The following VPS13D variants were observed in gnomAD, a reference collection of about 807,000 sequenced individuals.
VPS13D encodes vacuolar protein sorting 13 homolog D, also known as intermembrane lipid transfer protein VPS13D.
VPS13D carries 187 observed loss-of-function variants against 461.9 expected under a neutral mutation model. The observed-to-expected ratio is 0.40, with a 90% CI of 0.36 to 0.46. VPS13D has a LOEUF of 0.46. Among genes scored for constraint, VPS13D ranks in the 20% least tolerant of loss-of-function variants. The pLI is 0.60. For missense variants in VPS13D, 4,711 were observed against 5,364.9 expected, an observed-to-expected ratio of 0.88 and a Z score of 3.81; for synonymous variants, 1,951 against 1,986.3, an observed-to-expected ratio of 0.98 and a Z score of 0.47.
chr1:12,363,782 G>A (rs924689301), intron 52 of VPS13D, among the ~76,000 whole-genome samples: 3 of 151,480 alleles, frequency 2.0e-5, no homozygotes, highest in African/African-American at 7.3e-5. Context: ...ATGAAACCCC[G>A]TCTCTACTAA....
chr1:12,373,095 GTTTTTTTTTTTTT>G (rs571503565), intron 54 of VPS13D, among the ~76,000 whole-genome samples: 1,303 of 37,272 alleles, frequency 0.035, 41 homozygotes, highest in African/African-American at 0.12. Context: ...GTCTGGCTTG[GTTTTTTTTTTTTT>G]TTTTTTTTTT....
chr1:12,285,977 CCTTTCCTTTCCTT>C (rs1569807077), intron 21 of VPS13D, among the ~76,000 whole-genome samples: 2,270 of 130,120 alleles, frequency 0.017, 21 homozygotes, highest in South Asian at 0.042. Flanking sequence ...CCTTTCCTTT[CCTTTCCTTTCCTT>C]TCCTCTCCTC....
rs1476410864 is a variant in VPS13D, at chr1:12,507,044, G to A, written c.12986G>A (p.Ser4329Asn). Residue 4329 changes from serine (S) to asparagine (N), a missense_variant, in exon 69 of 70, where the codon AGC becomes AAC. Around this residue, in one of 3 missense-constraint regions of VPS13D, gnomAD observed 194 missense variants for 220.9 expected, o/e 0.88. Coordinates refer to ENST00000620676, the MANE Select transcript of VPS13D (RefSeq NM_015378.4). The surrounding 1 kb of genome is among the most constrained non-coding windows in gnomAD (Gnocchi z 5.3). ...VYVQVTKKAV[S>N]TSSGVSIPGP... is the part of the protein sequence containing the mutation. Reference sequence around the variant, plus strand: ...GTGCAGGTGACCAAGAAAGCCGTGAGCACGAGCAGTGGAGTGTCCATCCCC... The same window carrying A: ...GTGCAGGTGACCAAGAAAGCCGTGAACACGAGCAGTGGAGTGTCCATCCCC... The A allele has an allele frequency of 1.2e-6, 2 of 1,614,278 alleles. No homozygotes were observed. The highest frequency in any genetic ancestry group is 1.7e-5 in the Admixed American group (1 of 60,038).
At chr1:12,330,164 C>T (rs1182071969) in intron 37 of VPS13D, among the ~76,000 whole-genome samples, 1 of 152,190 alleles carries the variant, frequency 6.6e-6, no homozygotes, top group African/African-American at 2.4e-5. Flanking sequence ...CCTGTAATCC[C>T]AGCACTTTGG....
rs368594009 is a variant in VPS13D at position 12,363,040 on chromosome 1, T to C, written c.10273-32T>C. The C allele has an allele frequency of 1.2e-5, 19 of 1,610,852 alleles. No individual in the cohort carries two copies. The African/African-American group carries it at 2.0e-4, about 17-fold the overall frequency. On this transcript the variant is annotated intron_variant, in intron 51 of 69. Transcript: ENST00000620676. ...ACACTTATTGTCATGAATCGACTTG[T>C]TGACTAAAGCCTGTGATCCTATGTG...
chr1:12,480,206 G>C (rs1035673706), intron 67 of VPS13D, among the ~76,000 whole-genome samples: 3 of 152,324 alleles, frequency 2.0e-5, no homozygotes, highest in African/African-American at 4.8e-5. Flanking sequence ...ACACTTCTCT[G>C]CTGCAACCCA....
rs146812270 is a variant in VPS13D, at chr1:12,438,465, C to T, written c.12334-17533C>T. ...TGCTGTTTGTAAGCCACTCAGTTAA[C>T]GGTATTTTGTTGTAGCAGCATGAAC... On this transcript the variant is annotated intron_variant, in intron 65 of 69. Transcript: ENST00000620676. Among the ~76,000 whole-genome samples the T allele has an allele frequency of 2.4e-3, 373 of 152,304 alleles. 2 individuals are homozygous for T. The highest frequency in any genetic ancestry group is 7.6e-3 in the African/African-American group (315 of 41,572).
At position 12,308,674 on chromosome 1, in the gene VPS13D, C is replaced by G. The variant is rs1569866038; in HGVS notation, c.6650+33C>G. 3.8e-6 allele frequency: 6 copies of G among 1,591,920 alleles called. No homozygotes were observed. The East Asian group carries it at 1.3e-4, about 36-fold the overall frequency. ...TTTTTTTTTTTTTTTGAGATGGAGTCTCGCTCTGTTCACCAGGCAGGGTGG... is the reference window on the plus strand; with the variant it reads ...TTTTTTTTTTTTTTTGAGATGGAGTGTCGCTCTGTTCACCAGGCAGGGTGG... On this transcript the variant is annotated intron_variant, in intron 27 of 69. Transcript: ENST00000620676.
intron 13 of VPS13D, among the ~76,000 whole-genome samples, chr1:12,262,450 C>A (rs893546129): frequency 6.6e-6 from 1 of 152,190 alleles, no homozygotes; most frequent in East Asian, 1.9e-4. Context: ...GAATTTTGAT[C>A]TTTTCCTGGG....
chr1:12,449,447 G>T (rs914562670), intron 65 of VPS13D, among the ~76,000 whole-genome samples: 2 of 150,796 alleles, frequency 1.3e-5, no homozygotes, highest in African/African-American at 2.4e-5. Context: ...TTCGTGATTT[G>T]GCTGAGTGAG....
At position 12,234,247 on chromosome 1, in the gene VPS13D, C is replaced by A. The variant is rs983744212; in HGVS notation, c.-20C>A. On this transcript the variant is annotated 5_prime_UTR_variant, in exon 2 of 70. Transcript: ENST00000620676. ...AGAATGATCCATGATTTCTAAACAC[C>A]TTTTCCTGAGGATATAGTCATGTTG... 1 of 1,562,322 alleles carries A rather than the reference C, an allele frequency of 6.4e-7. No homozygotes were observed. The highest frequency in any genetic ancestry group is 8.8e-7 in the Non-Finnish European group (1 of 1,137,674).
Position 12,234,377 on chromosome 1 carries a change from T to G in VPS13D, c.97+14T>G. Reference sequence around the variant, plus strand: ...CACTTCTCAAAGGTGAGTATTTCTCTGGGTGAGATACAGCTTTATAGGTGG... The same window carrying G: ...CACTTCTCAAAGGTGAGTATTTCTCGGGGTGAGATACAGCTTTATAGGTGG... On this transcript the variant is annotated intron_variant, in intron 2 of 69. Transcript: ENST00000620676. The G allele has an allele frequency of 6.2e-7, 1 of 1,601,584 alleles. No homozygotes were observed. The highest frequency in any genetic ancestry group is 8.5e-7 in the Non-Finnish European group (1 of 1,169,696).
intron 23 of VPS13D, among the ~76,000 whole-genome samples, 177 bp from the exon 24 acceptor site, chr1:12,293,347 T>C (rs2101432579): frequency 6.6e-6 from 1 of 152,326 alleles, no homozygotes. Flanking sequence ...CTTTATCCCA[T>C]CACAGAAGCT....
chr1:12,297,284 G>A (rs1037199023), intron 24 of VPS13D, among the ~76,000 whole-genome samples: 6 of 152,130 alleles, frequency 3.9e-5, no homozygotes, highest in African/African-American at 1.4e-4. Flanking sequence ...AATTTTAAGA[G>A]TATCAGTTAT....
At chr1:12,454,917 C>A (rs189790757) in intron 65 of VPS13D, among the ~76,000 whole-genome samples, 1 of 152,372 alleles carries the variant, frequency 6.6e-6, no homozygotes, top group East Asian at 1.9e-4. Context: ...TGATATCCTT[C>A]TCTTTTTATG....
At chr1:12,285,288 A>ATTTTT (rs200200673) in intron 21 of VPS13D, among the ~76,000 whole-genome samples, 2 of 145,086 alleles carry the variant, frequency 1.4e-5, no homozygotes, top group Admixed American at 6.9e-5. Flanking sequence ...TTATTTATTT[A>ATTTTT]TTTATTTATT....
At position 12,282,853 on chromosome 1, in the gene VPS13D, C is replaced by T. The variant is rs747905632; in HGVS notation, c.4751C>T (p.Ser1584Phe). ...PLPPLSTCGE[S>F]SVERKENGLF... is the part of the protein sequence containing the mutation. ...CCTCCCCTCAGTACCTGTGGAGAAT[C>T]TTCTGTTGAAAGGAAGGAGAATGGA... The change falls in exon 21 of 70, where the codon TCT becomes TTT. Residue 1584 changes from serine (S) to phenylalanine (F), a missense_variant. Ser to Phe is a radical substitution (Grantham distance 155, BLOSUM62 -2). This residue lies in a region of VPS13D where 4,411 missense variants were observed against 4,937.8 expected (regional missense o/e 0.89). Coordinates refer to ENST00000620676, the MANE Select transcript of VPS13D (RefSeq NM_015378.4). The T allele has an allele frequency of 2.5e-6, 4 of 1,614,002 alleles. No individual in the cohort carries two copies. In the African/African-American group the frequency reaches 4.0e-5, roughly 16 times the overall value.
chr1:12,303,680 G>C (rs1338362704), intron 25 of VPS13D, among the ~76,000 whole-genome samples: 1 of 152,212 alleles, frequency 6.6e-6, no homozygotes. Context: ...CATAAAGGCA[G>C]CCCTAGAGGG....
intron 62 of VPS13D, chr1:12,402,817 AT>A (rs1644597851): frequency 6.6e-6 from 1 of 152,194 alleles, no homozygotes. Context: ...TCAAGCATGG[AT>A]TTAGACTTTT....
Sources: allele counts gnomAD v4.1 joint callset (sites outside exome capture counted in the v4.1 genomes callset), GRCh38; gene constraint gnomAD v4.1.1; regional missense constraint gnomAD v4.1.1; non-coding constraint Gnocchi (gnomAD v3.1); transcripts MANE v1.5; gene names NCBI Gene and HGNC (gene_info 2026-07-23, HGNC 2026-07-21).